Variants in FAM184B observed in about 807,000 individuals in gnomAD.
The protein encoded by FAM184B is family with sequence similarity 184 member B, also known as protein FAM184B.
FAM184B carries 111 observed loss-of-function variants against 135.9 expected under a neutral mutation model. The ratio of observed to expected loss-of-function variants is 0.82; its 90% confidence interval spans 0.70 to 0.96. The LOEUF (loss-of-function observed/expected upper bound fraction) is 0.96, where lower values mean the gene tolerates loss of function less well. Ranked by LOEUF, FAM184B falls within the 40% of genes least tolerant of loss-of-function variation. The pLI is 0.00. For missense variants in FAM184B, 1,375 were observed against 1,323.9 expected (o/e 1.04, Z -0.60); for synonymous variants, 552 against 524.8 (o/e 1.05, Z -0.71).
At chr4:17,764,554 A>C (rs1042543904) in intron 1 of FAM184B, among the ~76,000 whole-genome samples, 1 of 152,150 alleles carries the variant, frequency 6.6e-6, no homozygotes, top group East Asian at 1.9e-4. Context: ...TCCTGGCATT[A>C]ATGGAGGTTC....
In FAM184B at chr4:17,708,900, T is replaced by C; in HGVS notation, c.886A>G (p.Arg296Gly). ...AAGAGATGCTGCTTTACCTGAATCCTCTCCTTCAGCTTCTGGGCGTACTTC... is the reference window on the plus strand; with the variant it reads ...AAGAGATGCTGCTTTACCTGAATCCCCTCCTTCAGCTTCTGGGCGTACTTC... ...LKKYAQKLKE[R>G]IQDLDVQLKE... Residue 296 changes from arginine to glycine, a missense_variant, in exon 2 of 18, where the codon AGG (arginine) becomes GGG (glycine). Physicochemically the swap from Arg to Gly is moderately radical, Grantham distance 125 (BLOSUM62 -2). Coordinates refer to ENST00000265018, the MANE Select transcript of FAM184B (RefSeq NM_015688.2). The C allele has an allele frequency of 6.6e-7, 1 of 1,510,512 alleles. No homozygotes were observed. Among genetic ancestry groups the C allele is most frequent in the Non-Finnish European group, 8.9e-7 (1 of 1,127,096 alleles). The allele number at this position is 1,510,512 out of a possible 1,614,324, so 93.6% of individuals were successfully genotyped here.
chr4:17,636,701 G>A, intron 14 of FAM184B, 56 bp from the exon 15 acceptor site: 1 of 1,363,292 alleles, frequency 7.3e-7, no homozygotes, highest in South Asian at 1.4e-5. Flanking sequence ...TCAACAAAGA[G>A]GGAGAACAAG....
At chr4:17,641,223 C>G (rs1487467431) in intron 13 of FAM184B, among the ~76,000 whole-genome samples, 2 of 152,032 alleles carry the variant, frequency 1.3e-5, no homozygotes, top group South Asian at 2.1e-4. Flanking sequence ...CGTGAGCTAC[C>G]ACGCCAGCCG....
rs1250407929 is a variant in FAM184B at position 17,642,073 on chromosome 4, C to A, written c.2502G>T (p.Lys834Asn). 6.5e-7 allele frequency: 1 copy of A among 1,531,452 alleles called. No homozygotes were observed. The highest frequency in any genetic ancestry group is 8.7e-7 in the Non-Finnish European group (1 of 1,144,990). 94.9% of individuals were successfully genotyped at this position (1,531,452 alleles called of 1,614,324 possible). The change falls in exon 13 of 18, where the codon AAG becomes AAT. Residue 834 changes from lysine to asparagine, a missense_variant. Coordinates refer to ENST00000265018, the MANE Select transcript of FAM184B (RefSeq NM_015688.2). Reference sequence around the variant, plus strand: ...TCACCCACCTGCGCTGGTCTCGGAGCTTCTGCGCCTCCTGCTGATGCTGCT... The same window carrying A: ...TCACCCACCTGCGCTGGTCTCGGAGATTCTGCGCCTCCTGCTGATGCTGCT... The part of the protein sequence containing the change: ...EVEQHQQEAQ[K>N]LRDQRRFLEE...
intron 7 of FAM184B, among the ~76,000 whole-genome samples, chr4:17,672,871 C>G (rs1389699350): frequency 6.6e-6 from 1 of 151,954 alleles, no homozygotes; most frequent in Non-Finnish European, 1.5e-5. Flanking sequence ...CTGGTTTTGG[C>G]ATTAGGGTGA....
At chr4:17,746,211 G>A (rs28507658) in intron 1 of FAM184B, among the ~76,000 whole-genome samples, 7 of 151,544 alleles carry the variant, frequency 4.6e-5, no homozygotes, top group Admixed American at 3.9e-4. Context: ...CGCCCACCTC[G>A]GCCTCCCAAA....
At chr4:17,766,795 G>A (rs1043482309) in intron 1 of FAM184B, among the ~76,000 whole-genome samples, 16 of 152,256 alleles carry the variant, frequency 1.1e-4, no homozygotes, top group Non-Finnish European at 1.9e-4. Flanking sequence ...TGCCAGTCCC[G>A]CGCAGAGCAC....
chr4:17,715,132 T>A (rs1021245155), intron 1 of FAM184B, among the ~76,000 whole-genome samples: 1 of 152,190 alleles, frequency 6.6e-6, no homozygotes, highest in Non-Finnish European at 1.5e-5. Flanking sequence ...TTGATTTTTT[T>A]AAACTTCATA....
chr4:17,752,521 A>G (rs1001770195), intron 1 of FAM184B, among the ~76,000 whole-genome samples: 5 of 152,188 alleles, frequency 3.3e-5, no homozygotes, highest in African/African-American at 7.2e-5. Context: ...ACAGAGAGCC[A>G]TGTTCTTAAG....
chr4:17,651,523 G>C (rs1257851428), intron 11 of FAM184B, among the ~76,000 whole-genome samples: 1 of 96,244 alleles, frequency 1.0e-5, no homozygotes, highest in Non-Finnish European at 1.8e-5. Context: ...GGGCGACAGA[G>C]CAAGACTCTG....
intron 1 of FAM184B, among the ~76,000 whole-genome samples, chr4:17,777,559 A>T (rs1204240741): frequency 1.3e-5 from 2 of 152,258 alleles, no homozygotes; most frequent in African/African-American, 2.4e-5. Context: ...AATAAAAAAT[A>T]TAATTATTGA....
At chr4:17,704,892 A>T in intron 5 of FAM184B, 108 bp downstream of exon 5, 1 of 886,060 alleles carries the variant, frequency 1.1e-6, no homozygotes, top group South Asian at 1.7e-5. Flanking sequence ...TGTACAGAGC[A>T]GGAGCTCAGT....
chr4:17,691,485 C>A (rs1441746516), intron 6 of FAM184B, among the ~76,000 whole-genome samples: 7 of 151,722 alleles, frequency 4.6e-5, no homozygotes, highest in African/African-American at 1.5e-4. Flanking sequence ...CAGGAGTTCG[C>A]GACCAGCCTG....
chr4:17,654,640 T>C (rs1412464616), intron 10 of FAM184B, among the ~76,000 whole-genome samples: 3 of 152,168 alleles, frequency 2.0e-5, no homozygotes, highest in African/African-American at 7.2e-5. Flanking sequence ...GCAGTGGGCA[T>C]TTCACCAAAT....
intron 1 of FAM184B, among the ~76,000 whole-genome samples, chr4:17,752,519 C>G (rs1246318647): frequency 6.6e-6 from 1 of 152,078 alleles, no homozygotes; most frequent in East Asian, 1.9e-4. Context: ...TCACAGAGAG[C>G]CATGTTCTTA....
intron 7 of FAM184B, among the ~76,000 whole-genome samples, chr4:17,685,507 C>T (rs1318286489): frequency 6.9e-6 from 1 of 144,680 alleles, no homozygotes; most frequent in Non-Finnish European, 1.5e-5. Flanking sequence ...CGAGATCATG[C>T]CATTGCACTC....
chr4:17,774,992 C>CTT (rs71167338), intron 1 of FAM184B, among the ~76,000 whole-genome samples: 1,125 of 81,682 alleles, frequency 0.014, 33 homozygotes, highest in African/African-American at 0.022. Context: ...TTTTCCTTTT[C>CTT]TTTTTTTTTT....
intron 1 of FAM184B, among the ~76,000 whole-genome samples, chr4:17,712,563 T>C (rs751396609): frequency 6.6e-6 from 1 of 152,194 alleles, no homozygotes; most frequent in Non-Finnish European, 1.5e-5. Context: ...TCTAACTTCA[T>C]TGCCAAGTTC....
At position 17,636,651 on chromosome 4, in the gene FAM184B, CCAAGCAGG is replaced by C. The variant is rs1200008709; in HGVS notation, c.2667-14_2667-7del. 1.8e-5 allele frequency: 28 copies of C among 1,543,874 alleles called. No individual in the cohort carries two copies. The highest frequency in any genetic ancestry group is 2.4e-5 in the Non-Finnish European group (27 of 1,143,924). On this transcript the variant is annotated splice_region_variant and splice_polypyrimidine_tract_variant and intron_variant, in intron 14 of 17. Coordinates refer to ENST00000265018, the MANE Select transcript of FAM184B (RefSeq NM_015688.2). ...TCTCTCCGGAATCTTTCAGTCTGTT[CCAAGCAGG>C]CATGCAGTCAAGTCCCCCTTACAGC...
Sources: allele counts gnomAD v4.1 joint callset (sites outside exome capture counted in the v4.1 genomes callset), GRCh38; gene constraint gnomAD v4.1.1; transcripts MANE v1.5; gene names NCBI Gene and HGNC (gene_info 2026-07-23, HGNC 2026-07-21).